The following TRABD2B variants were observed in gnomAD, a reference collection of about 807,000 sequenced individuals.
TRABD2B encodes metalloprotease TIKI2.
Under a neutral mutation model 40.1 loss-of-function variants are expected in TRABD2B, and 14 were observed. That is an observed-to-expected ratio of 0.35 (90% CI 0.23 to 0.55). The LOEUF (loss-of-function observed/expected upper bound fraction) is 0.55, where lower values mean the gene tolerates loss of function less well. Among genes scored for constraint, TRABD2B ranks in the 20% least tolerant of loss-of-function variants. The pLI is 0.90. For synonymous variants in TRABD2B, 263 were observed against 277.0 expected (o/e 0.95, Z 0.50); for missense variants, 541 against 648.6 (o/e 0.83, Z 1.80).
intron 2 of TRABD2B, among the ~76,000 whole-genome samples, chr1:47,932,454 T>C (rs1220442512): frequency 6.6e-6 from 1 of 152,072 alleles, no homozygotes; most frequent in Non-Finnish European, 1.5e-5. Context: ...TGAGTTATAA[T>C]GGGAAACTGA....
At chr1:47,826,369 A>C (rs1645173952) in intron 2 of TRABD2B, among the ~76,000 whole-genome samples, 1 of 152,316 alleles carries the variant, frequency 6.6e-6, no homozygotes, top group East Asian at 1.9e-4. Flanking sequence ...TTCTCACAAC[A>C]TCATTATATC....
At chr1:47,989,728 A>G (rs1645972747) in intron 2 of TRABD2B, among the ~76,000 whole-genome samples, 1 of 151,574 alleles carries the variant, frequency 6.6e-6, no homozygotes, top group African/African-American at 2.4e-5. Flanking sequence ...TCGGCAAGAA[A>G]TGATGGTCTA....
At chr1:47,918,314 G>T (rs1644856342) in intron 2 of TRABD2B, among the ~76,000 whole-genome samples, 1 of 152,212 alleles carries the variant, frequency 6.6e-6, no homozygotes, top group African/African-American at 2.4e-5. Flanking sequence ...GCAAGTAGAT[G>T]AATAGGAAAA....
chr1:47,922,460 T>A (rs1272313844), intron 2 of TRABD2B, among the ~76,000 whole-genome samples: 1 of 152,102 alleles, frequency 6.6e-6, no homozygotes, highest in African/African-American at 2.4e-5. Flanking sequence ...CTTGGCTTCA[T>A]CAGCCCACAC....
At chr1:47,830,422 T>C (rs930074458) in intron 2 of TRABD2B, among the ~76,000 whole-genome samples, 121 of 152,252 alleles carry the variant, frequency 7.9e-4, no homozygotes, top group African/African-American at 2.9e-3. Context: ...TTCACTTGCA[T>C]GAGAAAACCC....
chr1:47,983,400 T>G (rs1645869848), intron 2 of TRABD2B, among the ~76,000 whole-genome samples: 1 of 152,016 alleles, frequency 6.6e-6, no homozygotes, highest in South Asian at 2.1e-4. Context: ...AATACCTGGG[T>G]GATGAAATAA....
At chr1:47,850,846 CG>C (rs751931681) in intron 2 of TRABD2B, among the ~76,000 whole-genome samples, 64 of 152,190 alleles carry the variant, frequency 4.2e-4, no homozygotes, top group Non-Finnish European at 8.8e-4. Context: ...TCCACAGACT[CG>C]GGGGTTGGGA....
rs554625897 is a variant in TRABD2B, at chr1:47,956,370, G to A, written c.666+37664C>T. ...CTCACTGGGGCTTGTCGGACAGTGGGTGCAGCCCATGGAGCATGAGCTGAA... is the reference window on the plus strand; with the variant it reads ...CTCACTGGGGCTTGTCGGACAGTGGATGCAGCCCATGGAGCATGAGCTGAA... On this transcript the variant is annotated intron_variant, in intron 2 of 6. Transcript: ENST00000606738. Among the ~76,000 whole-genome samples the A allele has an allele frequency of 1.2e-4, 18 of 152,310 alleles. No homozygotes were observed. In the South Asian group the frequency reaches 2.5e-3, roughly 21 times the overall value.
In TRABD2B at chr1:47,847,804, C is replaced by A. The variant is rs372646655; in HGVS notation, c.667-46185G>T. Among the ~76,000 whole-genome samples the A allele has an allele frequency of 1.2e-4, 19 of 152,316 alleles. No homozygotes were observed. The South Asian group carries it at 3.1e-3, about 25-fold the overall frequency. On this transcript the variant is annotated intron_variant, in intron 2 of 6. Coordinates refer to ENST00000606738, the MANE Select transcript of TRABD2B (RefSeq NM_001194986.2). ...AAAAATCATTACCTTATAAATCGGCCGAGCTGTTCAGAACTTGTAGGAAAC... is the reference window on the plus strand; with the variant it reads ...AAAAATCATTACCTTATAAATCGGCAGAGCTGTTCAGAACTTGTAGGAAAC...
At chr1:47,977,468 G>T (rs1440275832) in intron 2 of TRABD2B, among the ~76,000 whole-genome samples, 1 of 152,098 alleles carries the variant, frequency 6.6e-6, no homozygotes, top group Non-Finnish European at 1.5e-5. Context: ...CACTAGGCAC[G>T]CTGTTCATTT....
At chr1:47,893,123 G>A (rs1251002208) in intron 2 of TRABD2B, among the ~76,000 whole-genome samples, 2 of 152,136 alleles carry the variant, frequency 1.3e-5, no homozygotes, top group Non-Finnish European at 2.9e-5. Context: ...CTCAGCTGGT[G>A]GGTGTGTTTC....
intron 2 of TRABD2B, among the ~76,000 whole-genome samples, chr1:47,820,847 T>C (rs950877219): frequency 1.3e-5 from 2 of 151,294 alleles, no homozygotes; most frequent in Non-Finnish European, 2.9e-5. Context: ...CTTCCCATAA[T>C]CCATGAAGGA....
intron 2 of TRABD2B, among the ~76,000 whole-genome samples, chr1:47,934,671 T>C (rs1645083247): frequency 6.6e-6 from 1 of 152,234 alleles, no homozygotes; most frequent in Non-Finnish European, 1.5e-5. Context: ...ATTCCCGTGA[T>C]CTGCTTCCAA....
intron 4 of TRABD2B, among the ~76,000 whole-genome samples, chr1:47,783,223 C>G (rs1378973245): frequency 6.6e-6 from 1 of 151,420 alleles, no homozygotes; most frequent in African/African-American, 2.4e-5. Context: ...CAGAGACAGG[C>G]AGTAAGAGAC....
chr1:47,784,462 T>C (rs1220869925), intron 4 of TRABD2B, among the ~76,000 whole-genome samples: 1 of 152,020 alleles, frequency 6.6e-6, no homozygotes, highest in Non-Finnish European at 1.5e-5. Context: ...CCACAAAGGC[T>C]CCAAAGCAGC....
intron 4 of TRABD2B, among the ~76,000 whole-genome samples, chr1:47,791,803 T>C (rs181722455): frequency 3.9e-5 from 6 of 152,206 alleles, no homozygotes; most frequent in Non-Finnish European, 8.8e-5. Context: ...ATGCGTTCCA[T>C]GTCAATAGGA....
chr1:47,885,753 C>CAT (rs1644362887), intron 2 of TRABD2B, among the ~76,000 whole-genome samples: 1 of 152,124 alleles, frequency 6.6e-6, no homozygotes, highest in African/African-American at 2.4e-5. Flanking sequence ...GGAAGGCATC[C>CAT]TGCAAATAGC....
intron 2 of TRABD2B, among the ~76,000 whole-genome samples, chr1:47,893,830 C>T (rs1311349338): frequency 6.6e-6 from 1 of 152,134 alleles, no homozygotes; most frequent in Admixed American, 6.5e-5. Flanking sequence ...ATCAGAGGGG[C>T]AGGCTCTTGG....
chr1:47,965,295 G>A (rs1181209683), intron 2 of TRABD2B, among the ~76,000 whole-genome samples: 2 of 149,464 alleles, frequency 1.3e-5, no homozygotes, highest in Non-Finnish European at 3.0e-5. Flanking sequence ...GCAAAATTGG[G>A]GCTACATCTC....
Sources: gnomAD v4.1 joint callset for allele counts (sites outside exome capture counted in the v4.1 genomes callset) on GRCh38, gnomAD v4.1.1 for gene constraint, MANE v1.5 for transcripts, NCBI Gene and HGNC (gene_info 2026-07-23, HGNC 2026-07-21) for gene names.